INSYN2A: variants seen among roughly 807,000 people sequenced by gnomAD.
INSYN2A encodes the protein inhibitory synaptic factor 2A.
In INSYN2A, 17 loss-of-function variants were observed where a neutral mutation model predicts 39.4. The ratio of observed to expected loss-of-function variants is 0.43; its 90% confidence interval spans 0.30 to 0.65. The LOEUF (loss-of-function observed/expected upper bound fraction) is 0.65. INSYN2A is among the 30% of genes least tolerant of loss of function. The probability of loss-of-function intolerance (pLI) is 0.14; values close to 1 mark genes in which losing one functional copy is unlikely to be tolerated. For missense variants in INSYN2A, 595 were observed against 631.2 expected (o/e 0.94, Z 0.61); for synonymous variants, 255 against 265.7 (o/e 0.96, Z 0.39).
chr10:127,191,518 CTG>C (rs948503741), intron 2 of INSYN2A, among the ~76,000 whole-genome samples: 4 of 152,172 alleles, frequency 2.6e-5, no homozygotes, highest in African/African-American at 9.7e-5. Context: ...GCAGATTTCA[CTG>C]TACAAAATGC....
intron 4 of INSYN2A, among the ~76,000 whole-genome samples, chr10:127,168,636 T>TAATA (rs1439880858): frequency 6.6e-6 from 1 of 152,186 alleles, no homozygotes; most frequent in Non-Finnish European, 1.5e-5. Context: ...TGATCTCTAT[T>TAATA]AAGTGGGTAG....
intron 2 of INSYN2A, among the ~76,000 whole-genome samples, chr10:127,180,971 G>A (rs1250890128): frequency 6.6e-6 from 1 of 152,086 alleles, no homozygotes; most frequent in Non-Finnish European, 1.5e-5. Context: ...GCGTCGTTCT[G>A]GTTTTGCCAA....
At position 127,196,547 on chromosome 10, in the gene INSYN2A, C is replaced by T. The variant is rs902844731; in HGVS notation, c.-945G>A. 3.4e-5 allele frequency among the ~76,000 whole-genome samples: 5 copies of T among 147,428 alleles called. No individual in the cohort carries two copies. Among genetic ancestry groups the T allele is most frequent in the African/African-American group, 1.2e-4 (5 of 40,870 alleles). ...AGGCGAGGGCGCCCCAAGCCGCGCGCCTGCCGCCTGTGCGCCCGGCTGGCA... is the reference window on the plus strand; with the variant it reads ...AGGCGAGGGCGCCCCAAGCCGCGCGTCTGCCGCCTGTGCGCCCGGCTGGCA... On this transcript the variant is annotated 5_prime_UTR_variant, in exon 1 of 6. Coordinates refer to ENST00000522781, the MANE Select transcript of INSYN2A (RefSeq NM_001039762.3).
rs141830486 is a variant in INSYN2A at position 127,176,142 on chromosome 10, C to T, written c.254G>A (p.Arg85His). ...AKPVSCRAAY[R>H]KYMTVPARRS... ...GCGTGCGGGCACTGTCATGTATTTG[C>T]GGTAGGCTGCTCTGCAGGACACGGG... Residue 85 changes from arginine (R) to histidine (H), a missense_variant, in exon 4 of 6, where the codon CGC becomes CAC. This residue lies in a region of INSYN2A where 478 missense variants were observed against 467.4 expected (regional missense o/e 1.02). Transcript: ENST00000522781. This position sits in a 1 kb window ranked among gnomAD's most constrained non-coding sequence, Gnocchi z 4.4. 8.1e-5 allele frequency: 130 copies of T among 1,613,954 alleles called. No homozygotes were observed. The highest frequency in any genetic ancestry group is 3.0e-4 in the Admixed American group (18 of 59,994).
intron 1 of INSYN2A, among the ~76,000 whole-genome samples, chr10:127,194,755 T>G (rs888676490): frequency 6.6e-6 from 1 of 152,192 alleles, no homozygotes; most frequent in African/African-American, 2.4e-5. Flanking sequence ...GTCTACCCTG[T>G]GCTATCCTGA....
At chr10:127,157,261 C>G (rs575694571) in intron 4 of INSYN2A, among the ~76,000 whole-genome samples, 1 of 152,248 alleles carries the variant, frequency 6.6e-6, no homozygotes, top group South Asian at 2.1e-4. Context: ...GTTGCAAACA[C>G]AAAGACCGTC....
At chr10:127,158,052 G>A (rs913568338) in intron 4 of INSYN2A, among the ~76,000 whole-genome samples, 4 of 152,176 alleles carry the variant, frequency 2.6e-5, no homozygotes, top group African/African-American at 9.7e-5. Flanking sequence ...AAGCTTCCAA[G>A]CTGTAGGGTT....
chr10:127,139,394 TA>T (rs537541750), intron 5 of INSYN2A, among the ~76,000 whole-genome samples: 1,874 of 148,456 alleles, frequency 0.013, 27 homozygotes, highest in African/African-American at 0.035. Flanking sequence ...CTCAAAAAAT[TA>T]AAAAAAAAAA....
At chr10:127,187,443 C>A (rs1234025599) in intron 2 of INSYN2A, among the ~76,000 whole-genome samples, 1 of 152,214 alleles carries the variant, frequency 6.6e-6, no homozygotes, top group Non-Finnish European at 1.5e-5. Flanking sequence ...CAAAACCTCA[C>A]ATGACCCCTG....
chr10:127,169,625 G>C (rs1589748132), intron 4 of INSYN2A, among the ~76,000 whole-genome samples: 2 of 152,160 alleles, frequency 1.3e-5, no homozygotes, highest in African/African-American at 2.4e-5. Context: ...CTCTGTGGGT[G>C]CTTTCAGGAT....
chr10:127,170,251 A>G (rs1589751056), intron 4 of INSYN2A, among the ~76,000 whole-genome samples: 1 of 152,122 alleles, frequency 6.6e-6, no homozygotes, highest in African/African-American at 2.4e-5. Context: ...TTTGCTCTGA[A>G]TTAGTAAAGT....
In INSYN2A at chr10:127,137,987, T is replaced by A; in HGVS notation, c.1290A>T (p.Lys430Asn). The change falls in exon 6 of 6, where the codon AAA (lysine) becomes AAT (asparagine). Residue 430 changes from lysine to asparagine, a missense_variant. Coordinates refer to ENST00000522781, the MANE Select transcript of INSYN2A (RefSeq NM_001039762.3). ...VELDFKQQEDKLQPVLRKLHP... is the reference protein window; with the variant it reads ...VELDFKQQEDNLQPVLRKLHP... ...GGAGTTTTCTTAGAACCGGCTGGAG[T>A]TTGTCTTCTTGCTGCTTAAAATCCA... The A allele has an allele frequency of 6.2e-7, 1 of 1,612,186 alleles. No homozygotes were observed. The highest frequency in any genetic ancestry group is 8.5e-7 in the Non-Finnish European group (1 of 1,179,610).
chr10:127,138,497 C>A (rs1213877952), intron 5 of INSYN2A, among the ~76,000 whole-genome samples: 5 of 152,108 alleles, frequency 3.3e-5, no homozygotes, highest in Non-Finnish European at 7.4e-5. Flanking sequence ...TAAAACAATT[C>A]TGGAAGGAAA....
At chr10:127,177,780 G>A (rs1010908380) in intron 2 of INSYN2A, among the ~76,000 whole-genome samples, 3 of 152,266 alleles carry the variant, frequency 2.0e-5, no homozygotes, top group African/African-American at 7.2e-5. Flanking sequence ...TCTGGAGTGA[G>A]GTGGTTCGAG....
chr10:127,194,357 G>A (rs2056953115), intron 1 of INSYN2A, among the ~76,000 whole-genome samples: 1 of 152,182 alleles, frequency 6.6e-6, no homozygotes, highest in Non-Finnish European at 1.5e-5. Flanking sequence ...GCAGATGGCA[G>A]GACTTCCATT....
intron 2 of INSYN2A, 89 bp downstream of exon 2, chr10:127,192,515 AC>A (rs1242742308): frequency 6.6e-6 from 1 of 152,160 alleles, no homozygotes; most frequent in Non-Finnish European, 1.5e-5. Flanking sequence ...ATCTTTATAC[AC>A]CTCAAAGTCC....
rs570835420 is a variant in INSYN2A, at chr10:127,160,647, T to A, written c.1185-6724A>T. 1.1e-4 allele frequency among the ~76,000 whole-genome samples: 17 copies of A among 152,338 alleles called. No individual in the cohort carries two copies. The East Asian group carries it at 3.3e-3, about 29-fold the overall frequency. ...TCTTCAAAATGTTCATTACATAGGGTATGGCAATTGTCACACTGAATCAAT... is the reference window on the plus strand; with the variant it reads ...TCTTCAAAATGTTCATTACATAGGGAATGGCAATTGTCACACTGAATCAAT... On this transcript the variant is annotated intron_variant, in intron 4 of 5. Coordinates refer to ENST00000522781, the MANE Select transcript of INSYN2A (RefSeq NM_001039762.3).
chr10:127,189,855 G>A (rs2056585064), intron 2 of INSYN2A, among the ~76,000 whole-genome samples: 1 of 152,026 alleles, frequency 6.6e-6, no homozygotes, highest in Non-Finnish European at 1.5e-5. Context: ...ATGCAGCGCT[G>A]TCATTGATTT....
chr10:127,193,589 A>C (rs2056896764), intron 1 of INSYN2A, among the ~76,000 whole-genome samples: 1 of 152,164 alleles, frequency 6.6e-6, no homozygotes, highest in Admixed American at 6.5e-5. Flanking sequence ...GAGAATACAA[A>C]TGTCTACGTG....
Sources: gnomAD v4.1 joint callset for allele counts (sites outside exome capture counted in the v4.1 genomes callset) on GRCh38, gnomAD v4.1.1 for gene constraint, gnomAD v4.1.1 regional missense constraint, Gnocchi (gnomAD v3.1) non-coding constraint, MANE v1.5 for transcripts, NCBI Gene and HGNC (gene_info 2026-07-23, HGNC 2026-07-21) for gene names.